Variants in IL19 observed in about 807,000 individuals in gnomAD.
IL19 encodes interleukin-19.
In IL19, 15 loss-of-function variants were observed where a neutral mutation model predicts 19.5. The ratio of observed to expected loss-of-function variants is 0.77; its 90% CI spans 0.52 to 1.19. IL19 has a LOEUF of 1.19. Ranked by LOEUF, IL19 falls within the 50% of genes most tolerant of loss-of-function variation. The probability of loss-of-function intolerance (pLI) is 0.00; values close to 1 mark genes in which losing one functional copy is unlikely to be tolerated. For missense variants in IL19, 199 were observed against 213.1 expected (o/e 0.93, Z 0.41); for synonymous variants, 78 against 78.3 (o/e 1.00, Z 0.02).
At position 206,794,519 on chromosome 1, in the gene IL19, T is replaced by C. The variant is rs148299065; in HGVS notation, c.-148-4342T>C. On this transcript the variant is annotated intron_variant, in intron 1 of 6. Transcript: ENST00000659997. ...CCCTCTCTGAGCTCTTATACTATGG[T>C]TGGCCCCGGGTCCTCCTGTTGGGTC... Among the ~76,000 whole-genome samples the C allele has an allele frequency of 2.0e-3, 311 of 152,306 alleles. 2 individuals carry two copies. The highest frequency in any genetic ancestry group is 7.2e-3 in the African/African-American group (299 of 41,568).
At chr1:206,830,454 A>G (rs765806315) in intron 2 of IL19, among the ~76,000 whole-genome samples, 3 of 152,106 alleles carry the variant, frequency 2.0e-5, no homozygotes, top group Non-Finnish European at 4.4e-5. Flanking sequence ...TCAAAGCTAT[A>G]CAGAAGTTCA....
chr1:206,772,651 C>A (rs1674888132), intron 1 of IL19, among the ~76,000 whole-genome samples: 1 of 152,174 alleles, frequency 6.6e-6, no homozygotes, highest in Non-Finnish European at 1.5e-5. Flanking sequence ...TCAATTTTTG[C>A]ATCGTAAGCA....
At chr1:206,834,034 G>T (rs540222294) in intron 2 of IL19, 1 of 985,462 alleles carries the variant, frequency 1.0e-6, no homozygotes, top group African/African-American at 1.7e-5. Context: ...ACTTGGTAAC[G>T]TGCCACAGCT....
intron 1 of IL19, among the ~76,000 whole-genome samples, chr1:206,795,927 ATG>A (rs71570039): frequency 0.014 from 1,811 of 133,596 alleles, 36 homozygotes; most frequent in African/African-American, 0.044. Flanking sequence ...AAATATATAT[ATG>A]TGTGTGTGTG....
At chr1:206,782,004 TAC>T in intron 1 of IL19, among the ~76,000 whole-genome samples, 1 of 82,596 alleles carries the variant, frequency 1.2e-5, no homozygotes, top group Non-Finnish European at 2.5e-5. Flanking sequence ...ATGTTATATA[TAC>T]ATATATATGT....
chr1:206,806,579 C>T (rs1294008716), intron 2 of IL19, among the ~76,000 whole-genome samples: 1 of 152,118 alleles, frequency 6.6e-6, no homozygotes, highest in African/African-American at 2.4e-5. Flanking sequence ...TCACTCATAA[C>T]GTATGCACTC....
At chr1:206,778,484 T>A (rs1211392917) in intron 1 of IL19, among the ~76,000 whole-genome samples, 1 of 152,128 alleles carries the variant, frequency 6.6e-6, no homozygotes, top group Non-Finnish European at 1.5e-5. Flanking sequence ...CGCTTTAGTT[T>A]GCTCCAGTCT....
At chr1:206,837,102 C>T in intron 4 of IL19, 79 bp downstream of exon 4, 1 of 1,135,552 alleles carries the variant, frequency 8.8e-7, no homozygotes, top group South Asian at 1.3e-5. Flanking sequence ...AAATCCCTAC[C>T]TTGTCCCCTT....
chr1:206,801,814 AACAGTGCCTGACACATC>A (rs1489528424), intron 2 of IL19, among the ~76,000 whole-genome samples: 1 of 152,236 alleles, frequency 6.6e-6, no homozygotes, highest in Non-Finnish European at 1.5e-5. Flanking sequence ...GGTCATGAGC[AACAGTGCCTGACACATC>A]ACAGACTCAC....
intron 1 of IL19, among the ~76,000 whole-genome samples, chr1:206,787,436 A>T (rs960650120): frequency 2.6e-5 from 4 of 152,210 alleles, no homozygotes; most frequent in Non-Finnish European, 5.9e-5. Flanking sequence ...GACTGGACAC[A>T]TGTTTTATAT....
intron 2 of IL19, among the ~76,000 whole-genome samples, chr1:206,832,177 A>T (rs1264250326): frequency 2.0e-5 from 3 of 152,266 alleles, no homozygotes; most frequent in Non-Finnish European, 2.9e-5. Flanking sequence ...AAGGAGCAGA[A>T]AGATGTCCAT....
chr1:206,772,174 G>A (rs1303428489), intron 1 of IL19: 1 of 1,038,636 alleles, frequency 9.6e-7, no homozygotes, highest in African/African-American at 1.6e-5. Flanking sequence ...TGGGGATGGA[G>A]GTGGAGGCGC....
At chr1:206,774,854 G>A (rs1674953097) in intron 1 of IL19, among the ~76,000 whole-genome samples, 2 of 152,086 alleles carry the variant, frequency 1.3e-5, no homozygotes, top group South Asian at 2.1e-4. Flanking sequence ...GCACAGGTAA[G>A]CATTCAGAAG....
At chr1:206,772,026 C>T (rs1037081521) in intron 1 of IL19, among the ~76,000 whole-genome samples, 1 of 152,236 alleles carries the variant, frequency 6.6e-6, no homozygotes, top group Non-Finnish European at 1.5e-5. Context: ...ATAAGTTTCT[C>T]AGCACGAGAG....
At chr1:206,823,910 G>A (rs941055383) in intron 2 of IL19, among the ~76,000 whole-genome samples, 2 of 152,180 alleles carry the variant, frequency 1.3e-5, no homozygotes, top group African/African-American at 4.8e-5. Context: ...AAAGCCATGG[G>A]GGTGGAGGCC....
At chr1:206,790,306 G>A (rs531614516) in intron 1 of IL19, among the ~76,000 whole-genome samples, 4 of 151,988 alleles carry the variant, frequency 2.6e-5, no homozygotes, top group South Asian at 2.1e-4. Flanking sequence ...ATCAGGGCAC[G>A]GTCCTCTCAT....
intron 1 of IL19, among the ~76,000 whole-genome samples, chr1:206,779,471 T>C (rs541574488): frequency 7.9e-5 from 12 of 152,320 alleles, no homozygotes; most frequent in Admixed American, 7.2e-4. Flanking sequence ...CTGCTGGACT[T>C]TGTAGCCCCC....
chr1:206,840,262 A>C (rs1676960825), intron 5 of IL19: 2 of 624,446 alleles, frequency 3.2e-6, no homozygotes, highest in African/African-American at 3.6e-5. Flanking sequence ...CATATTCCTT[A>C]GTAAGAGGCA....
chr1:206,809,738 T>C (rs759641233), intron 2 of IL19, among the ~76,000 whole-genome samples: 5 of 152,276 alleles, frequency 3.3e-5, no homozygotes, highest in Admixed American at 6.5e-5. Context: ...ACAAGAAATA[T>C]AGTAGCTGGG....
Sources: gnomAD v4.1 joint callset for allele counts (sites outside exome capture counted in the v4.1 genomes callset) on GRCh38, gnomAD v4.1.1 for gene constraint, MANE v1.5 for transcripts, NCBI Gene and HGNC (gene_info 2026-07-23, HGNC 2026-07-21) for gene names.